The following PAQR3 variants were observed in gnomAD, a reference collection of about 807,000 sequenced individuals.
The protein encoded by PAQR3 is Raf kinase trapping to Golgi.
A neutral mutation model predicts 41.7 loss-of-function variants in PAQR3; 39 were observed. The observed-to-expected ratio is 0.93, with a 90% confidence interval of 0.72 to 1.22. The LOEUF is 1.22. Among genes scored for constraint, PAQR3 ranks in the 50% most tolerant of loss-of-function variants. The pLI is 0.00. For missense variants in PAQR3, 366 were observed against 385.6 expected (o/e 0.95, Z 0.42); for synonymous variants, 140 against 140.6 (o/e 1.00, Z 0.03).
In PAQR3 at chr4:78,917,967, AATAC is replaced by A. The variant is rs1443868066; in HGVS notation, c.*2568_*2571del. 3.0e-6 allele frequency: 3 copies of A among 983,992 alleles called. No homozygotes were observed. In the African/African-American group the frequency reaches 5.2e-5, roughly 17 times the overall value. The allele number at this position is 983,992 out of a possible 1,614,324, so 61.0% of individuals were successfully genotyped here. On this transcript the variant is annotated 3_prime_UTR_variant, in exon 6 of 6. Coordinates refer to ENST00000512733, the MANE Select transcript of PAQR3 (RefSeq NM_001040202.2). ...TTTAGTAAACCCAGTTTATTTACATAATACATATTTTGTCATGCAGCTTACTGAA... is the reference window on the plus strand; with the variant it reads ...TTTAGTAAACCCAGTTTATTTACATAATATTTTGTCATGCAGCTTACTGAA...
rs1735240860 is a variant in PAQR3, at chr4:78,917,902, G to A, written c.*2637C>T. ...GATTCTAAAATATGATTTTAAAGCTGTTATGTATTACAAAGAATGACAAGC... is the reference window on the plus strand; with the variant it reads ...GATTCTAAAATATGATTTTAAAGCTATTATGTATTACAAAGAATGACAAGC... On this transcript the variant is annotated 3_prime_UTR_variant, in exon 6 of 6. Transcript: ENST00000512733. 1.0e-6 allele frequency: 1 copy of A among 983,980 alleles called. No homozygotes were observed. The highest frequency in any genetic ancestry group is 1.8e-5 in the African/African-American group (1 of 57,128). The allele number at this position is 983,980 out of a possible 1,614,324, so 61.0% of individuals were successfully genotyped here.
chr4:78,938,752 G>A (rs887135997), intron 1 of PAQR3, among the ~76,000 whole-genome samples: 1 of 151,884 alleles, frequency 6.6e-6, no homozygotes, highest in Non-Finnish European at 1.5e-5. Context: ...ATCTCAATGA[G>A]CCGAACAAAC....
intron 3 of PAQR3, 36 bp downstream of exon 3, chr4:78,930,134 T>A (rs1484123407): frequency 1.3e-6 from 2 of 1,567,950 alleles, no homozygotes; most frequent in African/African-American, 1.4e-5. Flanking sequence ...AAGACCAATA[T>A]GAAAGGTCGA....
chr4:78,889,842 T>C (rs1277928108), intron 11 of PAQR3, among the ~76,000 whole-genome samples: 3 of 152,218 alleles, frequency 2.0e-5, no homozygotes, highest in Admixed American at 1.3e-4. Flanking sequence ...TAGTAAACCA[T>C]ATAGAGAATG....
chr4:78,934,371 C>T (rs1737210141), intron 2 of PAQR3, among the ~76,000 whole-genome samples: 1 of 152,166 alleles, frequency 6.6e-6, no homozygotes, highest in Non-Finnish European at 1.5e-5. Flanking sequence ...AGGCTAACTG[C>T]AGGGAATAGC....
downstream of PAQR3, chr4:78,911,598 G>GGA: frequency 6.2e-7 from 1 of 1,613,890 alleles, no homozygotes; most frequent in Non-Finnish European, 8.5e-7. Context: ...CTCCAGAGAG[G>GGA]GCTCGCAGGC....
At chr4:78,926,231 C>A (rs193283210) in intron 4 of PAQR3, among the ~76,000 whole-genome samples, 71 of 152,214 alleles carry the variant, frequency 4.7e-4, no homozygotes, top group African/African-American at 1.5e-3. Context: ...GAGTCCTCCT[C>A]CACAAATAAG....
intron 11 of PAQR3, among the ~76,000 whole-genome samples, chr4:78,895,200 A>G (rs1733638386): frequency 6.6e-6 from 1 of 152,268 alleles, no homozygotes; most frequent in Non-Finnish European, 1.5e-5. Flanking sequence ...GACTTGTTCA[A>G]CATAGGCTTG....
chr4:78,911,806 G>A (rs200348191), downstream of PAQR3: 36 of 1,613,802 alleles, frequency 2.2e-5, no homozygotes, highest in Middle Eastern at 3.3e-4. Context: ...TCCACATCAG[G>A]GCCTGAGCGA....
chr4:78,907,476 C>T (rs1389343557), downstream of PAQR3, among the ~76,000 whole-genome samples: 1 of 152,120 alleles, frequency 6.6e-6, no homozygotes, highest in Non-Finnish European at 1.5e-5. Context: ...TTAAATGTTC[C>T]AGAAGACCTT....
exon 13 of PAQR3, chr4:78,887,227 C>T: frequency 1.2e-6 from 2 of 1,611,958 alleles, no homozygotes; most frequent in Non-Finnish European, 1.7e-6. Flanking sequence ...ACTTTCTGCT[C>T]CACATAACCA....
At chr4:78,895,731 A>G (rs904653579) in intron 11 of PAQR3, among the ~76,000 whole-genome samples, 2 of 152,138 alleles carry the variant, frequency 1.3e-5, no homozygotes, top group African/African-American at 2.4e-5. Context: ...ATCATTGCCA[A>G]TTGTACTCTA....
chr4:78,926,627 C>T lies in PAQR3; in HGVS notation c.596G>A (p.Trp199Ter). ...AAAGATGATAGAACGGAGCCTTTGC[C>T]ATTGCTGCGTGAGGTAATTGGGATG... ...QIHPNYLTQQ[W>*]QRLRSIIFCS... The change falls in exon 4 of 6, where the codon TGG becomes TAG. Residue 199 changes from tryptophan (W) to a stop codon, truncating the protein, a stop_gained. Transcript: ENST00000512733. LOFTEE classifies it high-confidence loss of function. 2.5e-6 allele frequency: 4 copies of T among 1,613,894 alleles called. No homozygotes were observed. The highest frequency in any genetic ancestry group is 3.4e-6 in the Non-Finnish European group (4 of 1,179,802).
In PAQR3 at chr4:78,898,489, G is replaced by C. The variant is rs115427980; in HGVS notation, c.*836+7619C>G. Among the ~76,000 whole-genome samples the C allele has an allele frequency of 4.4e-3, 670 of 151,486 alleles. 2 individuals carry two copies. Among genetic ancestry groups the C allele is most frequent in the African/African-American group, 0.015 (633 of 41,330 alleles). On this transcript the variant is annotated intron_variant and NMD_transcript_variant, in intron 11 of 12. Transcript: ENST00000342820. ...GGGGCTATCATGATATGGAGACAGT[G>C]GAGGTAATAGGTAGAAATGGAAGGA...
chr4:78,917,747 T>TATC lies in PAQR3; in HGVS notation c.*2789_*2791dup, dbSNP rs1389756324. 2 of 924,936 alleles carry TATC rather than the reference T, an allele frequency of 2.2e-6. No individual in the cohort carries two copies. Among genetic ancestry groups the TATC allele is most frequent in the South Asian group, 1.0e-4 (2 of 19,968 alleles). The allele number at this position is 924,936 out of a possible 1,614,324, so 57.3% of individuals were successfully genotyped here. ...TGACATTTAATACAGGGCAAAGTAT[T>TATC]ATCTAGTAGGTACCTGCCAAATGGA... On this transcript the variant is annotated 3_prime_UTR_variant, in exon 6 of 6. Transcript: ENST00000512733.
Position 78,918,673 on chromosome 4 carries a change from G to C in PAQR3, c.*1866C>G. 3.1e-6 allele frequency: 3 copies of C among 954,594 alleles called. No individual in the cohort carries two copies. The highest frequency in any genetic ancestry group is 3.7e-6 in the Non-Finnish European group (3 of 802,002). The allele number at this position is 954,594 out of a possible 1,614,324, so 59.1% of individuals were successfully genotyped here. A position where few individuals can be genotyped will look rare whatever the true frequency, so the allele number is the denominator to read the frequency against. ...GTATGTATTCATATACTAATACAGGGACTGCAAAAATTGAAATGATTCAAT... is the reference window on the plus strand; with the variant it reads ...GTATGTATTCATATACTAATACAGGCACTGCAAAAATTGAAATGATTCAAT... On this transcript the variant is annotated 3_prime_UTR_variant, in exon 6 of 6. Coordinates refer to ENST00000512733, the MANE Select transcript of PAQR3 (RefSeq NM_001040202.2).
chr4:78,890,455 T>G (rs962259744), intron 11 of PAQR3, among the ~76,000 whole-genome samples: 2 of 152,126 alleles, frequency 1.3e-5, no homozygotes, highest in Non-Finnish European at 2.9e-5. Flanking sequence ...CCAGCATGTT[T>G]TTGACACAGT....
In PAQR3 at chr4:78,916,636, GAGTGATGACAGTA is replaced by G. The variant is rs1458433758; in HGVS notation, c.*3890_*3902del. On this transcript the variant is annotated 3_prime_UTR_variant, in exon 6 of 6. Coordinates refer to ENST00000512733, the MANE Select transcript of PAQR3 (RefSeq NM_001040202.2). ...CAGTGAGTCATAATTACTGATACTC[GAGTGATGACAGTA>G]AGGCAAAAACAATATTGTGTAGTGC... 4 of 151,822 alleles carry G rather than the reference GAGTGATGACAGTA, an allele frequency of 2.6e-5. No homozygotes were observed. Among genetic ancestry groups the G allele is most frequent in the Admixed American group, 6.6e-5 (1 of 15,200 alleles). The allele number at this position is 151,822 out of a possible 1,614,324, so 9.4% of individuals were successfully genotyped here.
intron 5 of PAQR3, among the ~76,000 whole-genome samples, chr4:78,923,312 CCT>C (rs1735849842): frequency 6.6e-6 from 1 of 151,604 alleles, no homozygotes; most frequent in African/African-American, 2.4e-5. Flanking sequence ...TGATCCTACA[CCT>C]CACTTCTTTT....
Sources: allele counts gnomAD v4.1 joint callset (sites outside exome capture counted in the v4.1 genomes callset), GRCh38; gene constraint gnomAD v4.1.1; transcripts MANE v1.5; gene names NCBI Gene and HGNC (gene_info 2026-07-23, HGNC 2026-07-21).